Variants in COL22A1 observed in about 807,000 individuals in gnomAD.
COL22A1 encodes the protein collagen type XXII alpha 1 chain.
A neutral mutation model predicts 248.9 loss-of-function variants in COL22A1; 221 were observed. That is an observed-to-expected ratio of 0.89 (90% CI 0.80 to 0.99). The LOEUF is 0.99. Among genes scored for constraint, COL22A1 ranks in the 50% least tolerant of loss-of-function variants. COL22A1 has a pLI of 0.00. For missense variants in COL22A1, 2,240 were observed against 2,179.0 expected, an observed-to-expected ratio of 1.03 and a Z score of -0.56; for synonymous variants, 891 against 793.4, an observed-to-expected ratio of 1.12 and a Z score of -2.07.
intron 16 of COL22A1, among the ~76,000 whole-genome samples, chr8:138,765,921 G>A (rs912202190): frequency 6.6e-6 from 1 of 152,218 alleles, no homozygotes; most frequent in African/African-American, 2.4e-5. Context: ...GCTGATGGGA[G>A]AACAGTGTAA....
intron 16 of COL22A1, among the ~76,000 whole-genome samples, chr8:138,765,835 A>C (rs1027334418): frequency 6.6e-6 from 1 of 152,218 alleles, no homozygotes; most frequent in East Asian, 1.9e-4. Context: ...CCGGCTGCAC[A>C]GCTGTGTGTC....
intron 1 of COL22A1, among the ~76,000 whole-genome samples, chr8:138,889,718 G>A (rs1208779436): frequency 2.0e-5 from 3 of 152,200 alleles, no homozygotes; most frequent in African/African-American, 7.2e-5. Flanking sequence ...AATATTAGCT[G>A]CAACTACTGA....
chr8:138,855,484 C>T (rs79321972), intron 3 of COL22A1, among the ~76,000 whole-genome samples: 9,644 of 152,242 alleles, frequency 0.063, 325 homozygotes, highest in African/African-American at 0.096. Context: ...CTCATTTGAA[C>T]ATCTCCTCCC....
rs780501445 is a variant in COL22A1 at position 138,821,320 on chromosome 8, G to A, written c.1061C>T (p.Ser354Phe). ...CCGGTCAAAGAGGTCATTGACCCGA[G>A]AACCTCGGAAGACCACCCTGACAGC... ...KDAVRVVFRG[S>F]RVNDLFDRDW... The change falls in exon 7 of 65, where the codon TCT becomes TTT. Residue 354 changes from serine to phenylalanine, a missense_variant. Transcript: ENST00000303045. The A allele has an allele frequency of 3.7e-6, 6 of 1,614,210 alleles. 1 individual carries two copies. In the Admixed American group the frequency reaches 5.0e-5, roughly 13 times the overall value.
chr8:138,827,556 C>G (rs1425218796), intron 5 of COL22A1, among the ~76,000 whole-genome samples: 1 of 152,118 alleles, frequency 6.6e-6, no homozygotes, highest in African/African-American at 2.4e-5. Flanking sequence ...CCTCTTCTCT[C>G]CCACAAGGCC....
At chr8:138,595,740 T>C (rs2131799965) in intron 62 of COL22A1, among the ~76,000 whole-genome samples, 1 of 152,130 alleles carries the variant, frequency 6.6e-6, no homozygotes, top group Non-Finnish European at 1.5e-5. Context: ...GTGTCCTTGC[T>C]CCCAGCACAG....
chr8:138,843,985 C>A, intron 4 of COL22A1, 99 bp downstream of exon 4: 1 of 1,007,076 alleles, frequency 9.9e-7, no homozygotes, highest in East Asian at 2.4e-5. Context: ...GGAACAAGAA[C>A]AGGGTCAGTG....
chr8:138,757,056 C>T (rs930392533), intron 18 of COL22A1, among the ~76,000 whole-genome samples: 17 of 152,202 alleles, frequency 1.1e-4, no homozygotes, highest in Non-Finnish European at 2.2e-4. Flanking sequence ...TGCACACACA[C>T]GAGCACATAT....
At chr8:138,710,460 A>G (rs1236079135) in intron 30 of COL22A1, among the ~76,000 whole-genome samples, 1 of 152,212 alleles carries the variant, frequency 6.6e-6, no homozygotes, top group African/African-American at 2.4e-5. Context: ...GTCAACAACA[A>G]TAATATGATT....
intron 32 of COL22A1, among the ~76,000 whole-genome samples, chr8:138,696,637 C>T (rs1827531059): frequency 6.6e-6 from 1 of 152,242 alleles, no homozygotes; most frequent in African/African-American, 2.4e-5. Context: ...TGGCCTGCGG[C>T]TGTCTTCCTC....
intron 56 of COL22A1, among the ~76,000 whole-genome samples, chr8:138,612,451 C>T (rs993442013): frequency 6.6e-6 from 1 of 152,128 alleles, no homozygotes; most frequent in African/African-American, 2.4e-5. Flanking sequence ...AGATATGTAT[C>T]CATCATATGG....
rs9650562 is a variant in COL22A1, at chr8:138,611,378, A to C, written c.3978+2489T>G. Among the ~76,000 whole-genome samples the C allele has an allele frequency of 4.6e-5, 7 of 152,136 alleles. No homozygotes were observed. The South Asian group carries it at 1.5e-3, about 32-fold the overall frequency. On this transcript the variant is annotated intron_variant, in intron 56 of 64. Transcript: ENST00000303045. ...CTCACCTAGTTCATGTGATGAATAC[A>C]GGAGAGGAGGAAATCAAGCCCAGAT...
Position 138,606,431 on chromosome 8 carries a change from C to T in COL22A1, c.4054G>A (p.Glu1352Lys). Residue 1352 changes from glutamate (E) to lysine (K), a missense_variant, in exon 58 of 65, where the codon GAA becomes AAA. Glu to Lys is a moderately conservative substitution (Grantham distance 56). Transcript: ENST00000303045. Reference protein sequence around the residue: ...GTPGQKGSKGENGSPGLPGFL... With the variant: ...GTPGQKGSKGKNGSPGLPGFL... Reference sequence around the variant, plus strand: ...CCAGGAAGTCCTGGGCTGCCATTTTCCCCTTTGCTTCCTTTCTGGCCCTGC... The same window carrying T: ...CCAGGAAGTCCTGGGCTGCCATTTTTCCCTTTGCTTCCTTTCTGGCCCTGC... 1 of 1,613,764 alleles carries T rather than the reference C, an allele frequency of 6.2e-7. No individual in the cohort carries two copies.
intron 48 of COL22A1, among the ~76,000 whole-genome samples, chr8:138,635,650 T>A (rs1222094268): frequency 2.0e-5 from 3 of 152,160 alleles, no homozygotes; most frequent in African/African-American, 7.2e-5. Context: ...TAACACTTAG[T>A]CTTGTACAAC....
intron 3 of COL22A1, among the ~76,000 whole-genome samples, chr8:138,863,706 C>T (rs974926741): frequency 7.9e-5 from 12 of 152,178 alleles, no homozygotes; most frequent in Non-Finnish European, 1.5e-4. Context: ...TACTTGACTG[C>T]TCTCCTGCCT....
chr8:138,805,496 T>TGTGTGATG (rs755938122), intron 10 of COL22A1, among the ~76,000 whole-genome samples: 2 of 93,130 alleles, frequency 2.1e-5, no homozygotes, highest in African/African-American at 1.2e-4. Flanking sequence ...TGTGATGGTG[T>TGTGTGATG]GTGTGTGTGA....
At chr8:138,632,415 G>A (rs1235693676) in intron 49 of COL22A1, among the ~76,000 whole-genome samples, 3 of 152,188 alleles carry the variant, frequency 2.0e-5, no homozygotes, top group Non-Finnish European at 4.4e-5. Context: ...GCTAAGGGCT[G>A]TCCAATAGGG....
chr8:138,726,617 A>C (rs1157195439), intron 23 of COL22A1, among the ~76,000 whole-genome samples: 1 of 152,130 alleles, frequency 6.6e-6, no homozygotes, highest in East Asian at 1.9e-4. Context: ...GTGATGCTGC[A>C]CTCAGAGGGA....
intron 3 of COL22A1, among the ~76,000 whole-genome samples, chr8:138,863,930 T>C (rs1022412462): frequency 1.5e-4 from 23 of 152,346 alleles, no homozygotes; most frequent in African/African-American, 4.8e-4. Flanking sequence ...CTCTCGGATT[T>C]ATCAGATACA....
Sources: allele counts gnomAD v4.1 joint callset (sites outside exome capture counted in the v4.1 genomes callset), GRCh38; gene constraint gnomAD v4.1.1; transcripts MANE v1.5; gene names NCBI Gene and HGNC (gene_info 2026-07-23, HGNC 2026-07-21).